Variants in PTPRT observed in about 807,000 individuals in gnomAD.
The protein encoded by PTPRT is receptor-type tyrosine-protein phosphatase T.
In PTPRT, 56 loss-of-function variants were observed where a neutral mutation model predicts 176.8. The observed-to-expected ratio is 0.32, with a 90% CI of 0.26 to 0.40. The LOEUF (loss-of-function observed/expected upper bound fraction) is 0.40. PTPRT is among the 10% of genes least tolerant of loss of function. PTPRT has a pLI of 1.00. For synonymous variants in PTPRT, 783 were observed against 739.0 expected (o/e 1.06, Z -0.96); for missense variants, 1,540 against 1,908.2 (o/e 0.81, Z 3.60).
the PTPRT span, among the ~76,000 whole-genome samples, chr20:42,062,439 T>C: frequency 2.0e-5 from 3 of 152,316 alleles, no homozygotes; most frequent in African/African-American, 7.2e-5. Flanking sequence ...TAGGTCTGTC[T>C]CTCTAAAGGT....
chr20:42,289,588 C>T lies in PTPRT; in HGVS notation c.2140-7063G>A, dbSNP rs1462374910. 2.0e-5 allele frequency among the ~76,000 whole-genome samples: 3 copies of T among 152,072 alleles called. No homozygotes were observed. The South Asian group carries it at 6.2e-4, about 31-fold the overall frequency. On this transcript the variant is annotated intron_variant, in intron 12 of 30. Transcript: ENST00000373187. ...AATCAAAACAAGATACTGTCTCATA[C>T]CAGTCAGAATGGCTATTATTAAAAA...
intron 6 of PTPRT, chr20:42,688,412 T>A (rs566449842): frequency 6.6e-5 from 10 of 152,310 alleles, no homozygotes; most frequent in African/African-American, 2.2e-4. Context: ...CTAGGTACCA[T>A]AACCCCTCCT....
intron 6 of PTPRT, among the ~76,000 whole-genome samples, chr20:42,704,174 C>A (rs911755440): frequency 6.6e-6 from 1 of 152,148 alleles, no homozygotes; most frequent in Non-Finnish European, 1.5e-5. Context: ...CTATTATCCC[C>A]TTCTAGATTA....
At chr20:42,562,272 C>A (rs1207354161) in intron 7 of PTPRT, among the ~76,000 whole-genome samples, 3 of 152,200 alleles carry the variant, frequency 2.0e-5, no homozygotes, top group Non-Finnish European at 4.4e-5. Flanking sequence ...AATGCCACAC[C>A]CCCATAGGGA....
In PTPRT at chr20:42,339,916, C is replaced by G. The variant is rs563254545; in HGVS notation, c.1865+10712G>C. Reference sequence around the variant, plus strand: ...TCAGGACCTATACCTCTGTCTAAGTCTTCATTACATTGCTCATCTCTTATG... The same window carrying G: ...TCAGGACCTATACCTCTGTCTAAGTGTTCATTACATTGCTCATCTCTTATG... On this transcript the variant is annotated intron_variant, in intron 11 of 30. Coordinates refer to ENST00000373187, the MANE Select transcript of PTPRT (RefSeq NM_007050.6). Among the ~76,000 whole-genome samples, 12 of 152,290 alleles carry G rather than the reference C, an allele frequency of 7.9e-5. No individual in the cohort carries two copies. The East Asian group carries it at 2.3e-3, about 29-fold the overall frequency.
At chr20:43,057,205 T>C (rs954895814) in intron 1 of PTPRT, among the ~76,000 whole-genome samples, 1 of 137,584 alleles carries the variant, frequency 7.3e-6, no homozygotes, top group African/African-American at 2.8e-5. Context: ...ACTGTGGGGA[T>C]AGTCACTTGA....
At chr20:42,777,279 C>T (rs2077151481) in intron 4 of PTPRT, among the ~76,000 whole-genome samples, 2 of 152,150 alleles carry the variant, frequency 1.3e-5, no homozygotes, top group Admixed American at 6.5e-5. Context: ...TTGCCCTGAC[C>T]ACCTTCTCCT....
At chr20:42,109,064 A>AAAAC (rs1209543182) in intron 23 of PTPRT, among the ~76,000 whole-genome samples, 4 of 152,244 alleles carry the variant, frequency 2.6e-5, no homozygotes, top group Admixed American at 2.0e-4. Context: ...AAATACATGC[A>AAAAC]AAACATTTAG....
intron 15 of PTPRT, among the ~76,000 whole-genome samples, chr20:42,212,508 T>G (rs1267842620): frequency 6.6e-6 from 1 of 151,330 alleles, no homozygotes; most frequent in Non-Finnish European, 1.5e-5. Context: ...TTCCCTCGTA[T>G]CAGGAGGCAG....
At position 43,019,015 on chromosome 20, in the gene PTPRT, C is replaced by T. The variant is rs562359252; in HGVS notation, c.89-133083G>A. ...TACTGAAATACATATATCACATGCA[C>T]GTTTATCACAACATTGTTTGAAAAA... On this transcript the variant is annotated intron_variant, in intron 1 of 30. Coordinates refer to ENST00000373187, the MANE Select transcript of PTPRT (RefSeq NM_007050.6). Among the ~76,000 whole-genome samples, 11 of 152,200 alleles carry T rather than the reference C, an allele frequency of 7.2e-5. No individual in the cohort carries two copies. In the East Asian group the frequency reaches 7.7e-4, roughly 11 times the overall value.
chr20:42,277,645 T>A (rs1395579675), intron 13 of PTPRT, among the ~76,000 whole-genome samples: 1 of 152,090 alleles, frequency 6.6e-6, no homozygotes, highest in East Asian at 1.9e-4. Context: ...GTAGAAGCCC[T>A]CTCAAACGGA....
intron 1 of PTPRT, among the ~76,000 whole-genome samples, chr20:43,187,582 A>G (rs935923910): frequency 6.6e-6 from 1 of 152,064 alleles, no homozygotes; most frequent in Admixed American, 6.6e-5. Context: ...CTTAGAATGC[A>G]CCAGTTCTCC....
chr20:42,678,233 A>C, intron 6 of PTPRT, 74 bp from the exon 7 acceptor site: 1 of 1,421,516 alleles, frequency 7.0e-7, no homozygotes, highest in Middle Eastern at 2.0e-4. Flanking sequence ...ACATGACGAC[A>C]AGGGACAGAA....
intron 7 of PTPRT, among the ~76,000 whole-genome samples, chr20:42,527,041 G>A (rs1272978077): frequency 1.5e-5 from 2 of 134,000 alleles, no homozygotes; most frequent in African/African-American, 5.7e-5. Flanking sequence ...TCAGCTCACT[G>A]CAAGCTCCTC....
chr20:42,281,494 A>T (rs2057138090), intron 13 of PTPRT, among the ~76,000 whole-genome samples: 1 of 152,088 alleles, frequency 6.6e-6, no homozygotes, highest in Admixed American at 6.5e-5. Context: ...AAGTAGCTGT[A>T]GATTTTTTTC....
chr20:42,718,104 G>A (rs1170665427), intron 6 of PTPRT, among the ~76,000 whole-genome samples: 1 of 152,230 alleles, frequency 6.6e-6, no homozygotes, highest in Non-Finnish European at 1.5e-5. Context: ...GAGAAATGGA[G>A]TCCAATACTA....
chr20:42,384,036 A>G (rs956394905), intron 9 of PTPRT, among the ~76,000 whole-genome samples: 37 of 152,220 alleles, frequency 2.4e-4, no homozygotes, highest in African/African-American at 8.2e-4. Context: ...AGATTTATCA[A>G]TATAAGTTTG....
chr20:42,151,189 G>T (rs1989115594), intron 17 of PTPRT, among the ~76,000 whole-genome samples: 1 of 151,320 alleles, frequency 6.6e-6, no homozygotes, highest in African/African-American at 2.4e-5. Context: ...GAACGTGCAG[G>T]TTTGTTACAT....
At chr20:42,081,670 G>A (rs966778040) in intron 30 of PTPRT, among the ~76,000 whole-genome samples, 6 of 152,204 alleles carry the variant, frequency 3.9e-5, no homozygotes, top group Admixed American at 2.0e-4. Context: ...GGTGTACCAG[G>A]ATTAGTAATT....
Sources: allele counts gnomAD v4.1 joint callset (sites outside exome capture counted in the v4.1 genomes callset), GRCh38; gene constraint gnomAD v4.1.1; transcripts MANE v1.5; gene names NCBI Gene and HGNC (gene_info 2026-07-23, HGNC 2026-07-21).